The following ANXA9 variants were observed in gnomAD, a reference collection of about 807,000 sequenced individuals.
The protein encoded by ANXA9 is annexin A9.
A neutral mutation model predicts 51.8 loss-of-function variants in ANXA9; 47 were observed. The observed-to-expected ratio is 0.91, with a 90% CI of 0.72 to 1.16. ANXA9 has a LOEUF of 1.16. ANXA9 is among the 50% of genes most tolerant of loss of function. The pLI is 0.00. For synonymous variants in ANXA9, 154 were observed against 168.7 expected (o/e 0.91, Z 0.68); for missense variants, 361 against 424.7 (o/e 0.85, Z 1.32).
At position 150,989,766 on chromosome 1, in the gene ANXA9, CA is replaced by C. The variant is rs74839532; in HGVS notation, c.852+1429del. On this transcript the variant is annotated intron_variant, in intron 12 of 13. Coordinates refer to ENST00000368947, the MANE Select transcript of ANXA9 (RefSeq NM_003568.3). ...CCATCATGCCATGTTGATGATTGCCCAAAAGTTAGTAAATATAAGCAATTGT... is the reference window on the plus strand; with the variant it reads ...CCATCATGCCATGTTGATGATTGCCCAAAGTTAGTAAATATAAGCAATTGT... Among the ~76,000 whole-genome samples the C allele has an allele frequency of 2.5e-3, 387 of 152,200 alleles. 7 individuals are homozygous for C. The highest frequency in any genetic ancestry group is 0.019 in the East Asian group (98 of 5,176).
chr1:150,984,100 G>A (rs1255433792), intron 5 of ANXA9, 31 bp downstream of exon 5: 2 of 1,598,730 alleles, frequency 1.3e-6, no homozygotes, highest in Non-Finnish European at 1.7e-6. Flanking sequence ...CACAGCAGTG[G>A]ACTGGGGTGA....
intron 5 of ANXA9, 101 bp from the exon 6 acceptor site, chr1:150,984,180 G>A (rs1454230267): frequency 1.3e-6 from 2 of 1,527,926 alleles, no homozygotes; most frequent in East Asian, 2.3e-5. Flanking sequence ...GGCTAAACAG[G>A]GCCTGAGATG....
intron 9 of ANXA9, 62 bp from the exon 10 acceptor site, chr1:150,987,810 G>A: frequency 1.5e-6 from 2 of 1,371,430 alleles, no homozygotes; most frequent in Non-Finnish European, 2.0e-6. Context: ...CATACCCATG[G>A]CTCCCTAGGC....
At chr1:150,991,305 C>G (rs1220228074) in intron 12 of ANXA9, among the ~76,000 whole-genome samples, 1 of 137,418 alleles carries the variant, frequency 7.3e-6, no homozygotes, top group Non-Finnish European at 1.6e-5. Flanking sequence ...GGCGCGATCT[C>G]GGCTCATTGC....
chr1:150,988,488 CA>C, intron 12 of ANXA9, 147 bp downstream of exon 12: 1 of 1,000,864 alleles, frequency 1.0e-6, no homozygotes, highest in Non-Finnish European at 1.5e-6. Flanking sequence ...AGGGCTTACA[CA>C]GGGGTGGAGG....
At chr1:150,995,089 C>T (rs1002198027) in intron 13 of ANXA9, among the ~76,000 whole-genome samples, 171 bp from the exon 14 acceptor site, 6 of 152,218 alleles carry the variant, frequency 3.9e-5, no homozygotes, top group African/African-American at 1.4e-4. Flanking sequence ...AAGACTCCAT[C>T]TTAAAAAAGA....
At chr1:150,992,057 G>A (rs1418913352) in intron 12 of ANXA9, among the ~76,000 whole-genome samples, 5 of 152,002 alleles carry the variant, frequency 3.3e-5, no homozygotes, top group Admixed American at 2.0e-4. Flanking sequence ...GTGAGCCACC[G>A]TGTCCAGCCT....
upstream of ANXA9, among the ~76,000 whole-genome samples, chr1:150,979,944 A>G (rs1267510199): frequency 6.6e-6 from 1 of 152,182 alleles, no homozygotes; most frequent in African/African-American, 2.4e-5. Flanking sequence ...GAAACTGAGC[A>G]CAGAATAGTT....
chr1:150,978,633 G>A (rs1376654519), upstream of ANXA9, among the ~76,000 whole-genome samples: 3 of 151,982 alleles, frequency 2.0e-5, no homozygotes, highest in Non-Finnish European at 2.9e-5. Context: ...CCATGGCCTC[G>A]GGAAGTCACT....
Position 150,986,417 on chromosome 1 carries a change from T to C in ANXA9, c.552+2T>C, listed in dbSNP as rs1316958074. The C allele has an allele frequency of 1.6e-5, 26 of 1,613,596 alleles. No homozygotes were observed. Among genetic ancestry groups the C allele is most frequent in the Non-Finnish European group, 2.0e-5 (24 of 1,179,760 alleles). On this transcript the variant is annotated splice_donor_variant, in intron 8 of 13. Transcript: ENST00000368947. LOFTEE classifies it high-confidence loss of function. ...GACCTGCTGTTGGCCCTGGCCAAGG[T>C]GAGGAGGACTGACCTGCAAGGAAGG...
rs756277622 is a variant in ANXA9, at chr1:150,988,201, A to G, written c.793+15A>G. On this transcript the variant is annotated intron_variant, in intron 11 of 13. Coordinates refer to ENST00000368947, the MANE Select transcript of ANXA9 (RefSeq NM_003568.3). The stretch of plus-strand genomic sequence containing the variant: ...GCTCGGCCTAGGTAGGGGCCTGCTC[A>G]GGATTTGTGAAGTAAGTCTCTCTTG... 6.2e-7 allele frequency: 1 copy of G among 1,614,098 alleles called. No individual in the cohort carries two copies. The highest frequency in any genetic ancestry group is 1.3e-5 in the African/African-American group (1 of 74,930).
In ANXA9 at chr1:150,986,722, A is replaced by G. The variant is rs1372540564; in HGVS notation, c.612+61A>G. 8.0e-6 allele frequency: 12 copies of G among 1,491,662 alleles called. No homozygotes were observed. The African/African-American group carries it at 9.9e-5, about 12-fold the overall frequency. 92.4% of individuals were successfully genotyped at this position (1,491,662 alleles called of 1,614,324 possible). On this transcript the variant is annotated intron_variant, in intron 9 of 13. Transcript: ENST00000368947. ...TGCACATAAGATGCCTTCCTCCACC[A>G]TATCTTAGAGCCGGTGACCTACGTG...
At chr1:150,992,653 T>TA (rs1671734256) in intron 12 of ANXA9, among the ~76,000 whole-genome samples, 1 of 151,062 alleles carries the variant, frequency 6.6e-6, no homozygotes, top group Non-Finnish European at 1.5e-5. Flanking sequence ...GTACTAAAAA[T>TA]AAAAAAATTA....
In ANXA9 at chr1:150,984,053, A is replaced by C. The variant is rs138047919; in HGVS notation, c.251A>C (p.Gln84Pro). 25 of 1,611,662 alleles carry C rather than the reference A, an allele frequency of 1.6e-5. No homozygotes were observed. In the African/African-American group the frequency reaches 3.2e-4, roughly 21 times the overall value. ...AGGCAGCTCATCTCACGAAACTTCC[A>C]GGAGCGCACCCAACAGGTGAGGCCA... is the stretch of plus-strand genomic sequence containing the variant. ...EQRQLISRNFQERTQQDLMKS... is the reference protein window; with the variant it reads ...EQRQLISRNFPERTQQDLMKS... Residue 84 changes from glutamine (Q) to proline (P), a missense_variant, in exon 5 of 14, where the codon CAG becomes CCG. Coordinates refer to ENST00000368947, the MANE Select transcript of ANXA9 (RefSeq NM_003568.3).
intron 12 of ANXA9, among the ~76,000 whole-genome samples, chr1:150,989,481 A>G (rs1321592565): frequency 1.3e-5 from 2 of 151,882 alleles, no homozygotes; most frequent in East Asian, 3.9e-4. Flanking sequence ...ACTTGAGGTC[A>G]GGAGTTCGAG....
intron 12 of ANXA9, among the ~76,000 whole-genome samples, chr1:150,994,371 C>G (rs964166188): frequency 1.3e-5 from 2 of 152,048 alleles, no homozygotes; most frequent in African/African-American, 4.8e-5. Flanking sequence ...TCAAGCTGCC[C>G]CCACAGAGAC....
intron 12 of ANXA9, among the ~76,000 whole-genome samples, chr1:150,991,438 TG>T (rs1233615641): frequency 1.3e-5 from 2 of 151,562 alleles, no homozygotes; most frequent in Non-Finnish European, 2.9e-5. Context: ...AGTTTCACCA[TG>T]TTGGTCAGGC....
In ANXA9 at chr1:150,987,935, A is replaced by C; in HGVS notation, c.676A>C (p.Asn226His). The change falls in exon 10 of 14, where the codon AAT becomes CAT. Residue 226 changes from asparagine to histidine, a missense_variant. Transcript: ENST00000368947. ...ETWVPVFTQR[N>H]PEHLIRVFDQ... Reference sequence around the variant, plus strand: ...ATGGGTCCCAGTCTTCACCCAGCGAAATCCTGAACACCTCATCCGAGGTAC... The same window carrying C: ...ATGGGTCCCAGTCTTCACCCAGCGACATCCTGAACACCTCATCCGAGGTAC... 6.2e-7 allele frequency: 1 copy of C among 1,614,094 alleles called. No individual in the cohort carries two copies. Among genetic ancestry groups the C allele is most frequent in the Non-Finnish European group, 8.5e-7 (1 of 1,180,006 alleles).
In ANXA9 at chr1:150,984,570, T is replaced by G; in HGVS notation, c.382-16T>G. ...TGACACGGCCAGTCTGAGAGTAGAC[T>G]CCCAATTTCTTGTAGGCCTCAGATT... On this transcript the variant is annotated splice_polypyrimidine_tract_variant and intron_variant, in intron 6 of 13. Coordinates refer to ENST00000368947, the MANE Select transcript of ANXA9 (RefSeq NM_003568.3). 1.2e-6 allele frequency: 2 copies of G among 1,612,460 alleles called. No homozygotes were observed. The highest frequency in any genetic ancestry group is 2.7e-5 in the African/African-American group (2 of 75,000).
Sources: gnomAD v4.1 joint callset for allele counts (sites outside exome capture counted in the v4.1 genomes callset) on GRCh38, gnomAD v4.1.1 for gene constraint, MANE v1.5 for transcripts, NCBI Gene and HGNC (gene_info 2026-07-23, HGNC 2026-07-21) for gene names.